The following OPCML variants were observed in gnomAD, a reference collection of about 807,000 sequenced individuals.
The protein encoded by OPCML is opioid-binding protein/cell adhesion molecule.
Under a neutral mutation model 37.8 loss-of-function variants are expected in OPCML, and 13 were observed. The ratio of observed to expected loss-of-function variants is 0.34; its 90% CI spans 0.22 to 0.55. The LOEUF (loss-of-function observed/expected upper bound fraction) is 0.55. OPCML is among the 20% of genes least tolerant of loss of function. OPCML has a pLI of 0.91. For synonymous variants in OPCML, 176 were observed against 168.8 expected (o/e 1.04, Z -0.33); for missense variants, 341 against 435.6 (o/e 0.78, Z 1.93).
intron 1 of OPCML, among the ~76,000 whole-genome samples, chr11:133,086,119 G>GAT (rs1220177343): frequency 6.6e-6 from 1 of 152,202 alleles, no homozygotes; most frequent in Admixed American, 6.5e-5. Context: ...ATCCAAAGGT[G>GAT]ATAATTCAAG....
intron 1 of OPCML, chr11:133,025,108 G>T: frequency 2.7e-6 from 2 of 733,874 alleles, no homozygotes; most frequent in Non-Finnish European, 3.3e-6. Flanking sequence ...TTCCTTCATA[G>T]GGAGGAAAAT....
chr11:132,956,272 C>T (rs769135380), intron 1 of OPCML, among the ~76,000 whole-genome samples: 1 of 152,096 alleles, frequency 6.6e-6, no homozygotes, highest in Non-Finnish European at 1.5e-5. Context: ...AGCCGTACCA[C>T]GTGGCTAACA....
chr11:132,711,888 G>A (rs1027562243), intron 2 of OPCML, among the ~76,000 whole-genome samples: 1 of 152,128 alleles, frequency 6.6e-6, no homozygotes, highest in South Asian at 2.1e-4. Context: ...CAACACGCGT[G>A]CAATAATGGT....
chr11:132,573,117 A>G (rs1380127666), intron 3 of OPCML, among the ~76,000 whole-genome samples: 1 of 151,788 alleles, frequency 6.6e-6, no homozygotes, highest in Non-Finnish European at 1.5e-5. Flanking sequence ...AACTTTACAG[A>G]ATTTGTTTAT....
chr11:133,181,489 G>T (rs1051766196), intron 1 of OPCML, among the ~76,000 whole-genome samples: 1 of 152,008 alleles, frequency 6.6e-6, no homozygotes, highest in Non-Finnish European at 1.5e-5. Flanking sequence ...AAAGTGGGGG[G>T]AATATGAACC....
At chr11:133,505,521 C>T (rs1450412526) in intron 1 of OPCML, among the ~76,000 whole-genome samples, 1 of 152,182 alleles carries the variant, frequency 6.6e-6, no homozygotes, top group Non-Finnish European at 1.5e-5. Flanking sequence ...CTTCACTCCT[C>T]CTGACCCTTC....
intron 1 of OPCML, among the ~76,000 whole-genome samples, chr11:133,347,789 G>T (rs1024924726): frequency 6.6e-6 from 1 of 152,110 alleles, no homozygotes; most frequent in African/African-American, 2.4e-5. Context: ...ATTCACTTCA[G>T]CAATAAATAT....
At chr11:133,157,221 G>T (rs1418034353) in intron 1 of OPCML, among the ~76,000 whole-genome samples, 1 of 152,306 alleles carries the variant, frequency 6.6e-6, no homozygotes, top group East Asian at 1.9e-4. Flanking sequence ...CCACGGGCAG[G>T]CTGTCATCAT....
At chr11:132,891,321 A>AT (rs1455296396) in intron 2 of OPCML, among the ~76,000 whole-genome samples, 4 of 152,126 alleles carry the variant, frequency 2.6e-5, no homozygotes, top group African/African-American at 9.7e-5. Context: ...GGTCAGAAAG[A>AT]TTTTTTGAGA....
intron 1 of OPCML, among the ~76,000 whole-genome samples, chr11:133,159,589 C>T (rs1950114349): frequency 1.3e-5 from 2 of 152,236 alleles, no homozygotes; most frequent in Admixed American, 1.3e-4. Flanking sequence ...TAAAGCAAGT[C>T]ATGCGGCCAA....
intron 1 of OPCML, among the ~76,000 whole-genome samples, chr11:133,170,735 C>T (rs1295352521): frequency 1.3e-5 from 2 of 151,846 alleles, no homozygotes; most frequent in Non-Finnish European, 2.9e-5. Flanking sequence ...CCTCACCACC[C>T]ATAGAAGCCA....
chr11:132,535,302 T>C (rs897715435), intron 3 of OPCML, among the ~76,000 whole-genome samples: 14 of 151,966 alleles, frequency 9.2e-5, no homozygotes, highest in Non-Finnish European at 1.8e-4. Context: ...ATCTCACATG[T>C]GTATGAAGAA....
chr11:133,163,500 G>A (rs1288437110), intron 1 of OPCML, among the ~76,000 whole-genome samples: 2 of 152,288 alleles, frequency 1.3e-5, no homozygotes, highest in Admixed American at 6.5e-5. Flanking sequence ...CGTTTAAAAG[G>A]CAGGAGTCAT....
chr11:133,039,464 G>A (rs1947844313), intron 1 of OPCML, among the ~76,000 whole-genome samples: 1 of 152,090 alleles, frequency 6.6e-6, no homozygotes, highest in Non-Finnish European at 1.5e-5. Context: ...AACAGTGAAG[G>A]GTGCTATGTG....
In OPCML at chr11:133,314,730, C is replaced by T. The variant is rs971479369; in HGVS notation, c.61+217534G>A. 3.3e-5 allele frequency among the ~76,000 whole-genome samples: 5 copies of T among 152,152 alleles called. No homozygotes were observed. The East Asian group carries it at 7.7e-4, about 23-fold the overall frequency. On this transcript the variant is annotated intron_variant, in intron 1 of 7. Coordinates refer to ENST00000524381, the MANE Select transcript of OPCML (RefSeq NM_001012393.5). The stretch of plus-strand genomic sequence containing the variant: ...GTCTCCCCCACAGAACCATCAGGCA[C>T]GCCTGGCCAGGACGCTAAGGCTCCA...
rs1555152101 is a variant in OPCML at position 132,554,872 on chromosome 11, T to TTG, written c.380-25687_380-25686insCA. Among the ~76,000 whole-genome samples, 374 of 131,178 alleles carry TTG rather than the reference T, an allele frequency of 2.9e-3. 2 individuals carry two copies. The highest frequency in any genetic ancestry group is 0.01 in the African/African-American group (349 of 34,356). 86.1% of individuals were successfully genotyped at this position (131,178 alleles called of 152,430 possible). ...ATGGGAATGGGGTAAAGTTTTTTTTTTTTTTTTTTTTTTTTTTTTCATTAG... is the reference window on the plus strand; with the variant it reads ...ATGGGAATGGGGTAAAGTTTTTTTTTTGTTTTTTTTTTTTTTTTTTTCATTAG... On this transcript the variant is annotated intron_variant, in intron 3 of 7. Coordinates refer to ENST00000524381, the MANE Select transcript of OPCML (RefSeq NM_001012393.5).
At chr11:133,458,555 G>A (rs1243926828) in intron 1 of OPCML, among the ~76,000 whole-genome samples, 1 of 108,134 alleles carries the variant, frequency 9.2e-6, no homozygotes. Context: ...ACACGTGTGT[G>A]TGTATACACA....
At chr11:132,502,763 T>C (rs528709456) in intron 4 of OPCML, among the ~76,000 whole-genome samples, 11 of 152,266 alleles carry the variant, frequency 7.2e-5, no homozygotes, top group African/African-American at 2.6e-4. Context: ...AGCAGTAAAA[T>C]GTAAACCCTG....
At chr11:132,707,985 T>C (rs532320865) in intron 2 of OPCML, among the ~76,000 whole-genome samples, 1 of 152,118 alleles carries the variant, frequency 6.6e-6, no homozygotes, top group Non-Finnish European at 1.5e-5. Context: ...TTAGAGGAAA[T>C]GAGTAAAATC....
Sources: gnomAD v4.1 joint callset for allele counts (sites outside exome capture counted in the v4.1 genomes callset) on GRCh38, gnomAD v4.1.1 for gene constraint, MANE v1.5 for transcripts, NCBI Gene and HGNC (gene_info 2026-07-23, HGNC 2026-07-21) for gene names.